NLGN1: variants seen among roughly 807,000 people sequenced by gnomAD.
The protein encoded by NLGN1 is neuroligin 1, also known as neuroligin-1.
NLGN1 carries 12 observed loss-of-function variants against 65.5 expected under a neutral mutation model. That is an observed-to-expected ratio of 0.18 (90% CI 0.12 to 0.30). The LOEUF (loss-of-function observed/expected upper bound fraction) is 0.30, where lower values mean the gene tolerates loss of function less well. NLGN1 is among the 10% of genes least tolerant of loss of function. NLGN1 has a pLI of 1.00. For missense variants in NLGN1, 750 were observed against 1,007.1 expected, an observed-to-expected ratio of 0.74 and a Z score of 3.46; for synonymous variants, 350 against 359.5, an observed-to-expected ratio of 0.97 and a Z score of 0.30.
intron 4 of NLGN1, among the ~76,000 whole-genome samples, chr3:173,922,241 TA>T: frequency 6.6e-6 from 1 of 152,246 alleles, no homozygotes; most frequent in Middle Eastern, 3.4e-3. Flanking sequence ...GATCAATTTT[TA>T]TTAATAAATG....
At chr3:173,640,580 A>G (rs1044262848) in intron 3 of NLGN1, among the ~76,000 whole-genome samples, 3 of 152,188 alleles carry the variant, frequency 2.0e-5, no homozygotes, top group African/African-American at 7.2e-5. Flanking sequence ...ATTTAATACA[A>G]TAATCTGATA....
rs181113773 is a variant in NLGN1 at position 173,445,804 on chromosome 3, G to A, written c.-321+10726G>A. The stretch of plus-strand genomic sequence containing the variant: ...TTTTAGAACATCAGAAGACAGGGAA[G>A]TTTGGGAACACTTTAAGTTCACACT... On this transcript the variant is annotated intron_variant, in intron 2 of 6. Coordinates refer to ENST00000457714, the Ensembl canonical transcript of NLGN1. 3.2e-3 allele frequency among the ~76,000 whole-genome samples: 484 copies of A among 152,276 alleles called. 11 individuals carry two copies. The highest frequency in any genetic ancestry group is 0.029 in the Admixed American group (444 of 15,288).
chr3:173,802,489 T>C (rs1485877695), intron 3 of NLGN1, among the ~76,000 whole-genome samples: 1 of 152,202 alleles, frequency 6.6e-6, no homozygotes, highest in Non-Finnish European at 1.5e-5. Context: ...AAAGATGAAT[T>C]CAGATATCCT....
At chr3:174,167,539 G>T (rs1395668381) in intron 4 of NLGN1, among the ~76,000 whole-genome samples, 2 of 149,408 alleles carry the variant, frequency 1.3e-5, no homozygotes, top group African/African-American at 4.9e-5. Context: ...TAAGGTTTCT[G>T]CTCAGAAGTC....
At chr3:173,997,746 C>T (rs754705849) in intron 4 of NLGN1, among the ~76,000 whole-genome samples, 2 of 152,026 alleles carry the variant, frequency 1.3e-5, no homozygotes, top group East Asian at 3.9e-4. Context: ...GCAAAACTAC[C>T]GCAGAGCTCA....
intron 2 of NLGN1, among the ~76,000 whole-genome samples, chr3:173,598,987 A>C (rs1393170842): frequency 6.6e-6 from 1 of 152,160 alleles, no homozygotes; most frequent in East Asian, 1.9e-4. Context: ...TGAGCAGCAC[A>C]GTATCTACTG....
chr3:173,923,109 G>C (rs934107273), intron 4 of NLGN1, among the ~76,000 whole-genome samples: 2 of 151,864 alleles, frequency 1.3e-5, no homozygotes, highest in Non-Finnish European at 2.9e-5. Context: ...TAATCTAATA[G>C]TTTCGAACTT....
At chr3:174,054,459 T>C (rs1735589554) in intron 4 of NLGN1, among the ~76,000 whole-genome samples, 1 of 152,042 alleles carries the variant, frequency 6.6e-6, no homozygotes. Flanking sequence ...AAGAAATTAT[T>C]ATGTTGGCTT....
chr3:173,944,622 A>G (rs1330520122), intron 4 of NLGN1, among the ~76,000 whole-genome samples: 3 of 152,182 alleles, frequency 2.0e-5, no homozygotes, highest in African/African-American at 7.2e-5. Flanking sequence ...ATTCCAATCA[A>G]GTCTCTTAAT....
At chr3:174,167,793 GT>G (rs1214017752) in intron 4 of NLGN1, among the ~76,000 whole-genome samples, 3 of 151,200 alleles carry the variant, frequency 2.0e-5, no homozygotes, top group Non-Finnish European at 4.4e-5. Flanking sequence ...CTTCAAATAT[GT>G]TTTTCAAGTT....
intron 4 of NLGN1, among the ~76,000 whole-genome samples, chr3:174,166,381 G>C (rs1727496453): frequency 6.6e-6 from 1 of 151,682 alleles, no homozygotes; most frequent in Non-Finnish European, 1.5e-5. Flanking sequence ...GAGACCTTTT[G>C]GTATGTTGTG....
chr3:173,556,796 C>T (rs917909607), intron 2 of NLGN1, among the ~76,000 whole-genome samples: 3 of 113,132 alleles, frequency 2.7e-5, no homozygotes, highest in African/African-American at 1.1e-4. Context: ...AGAGCGAGGA[C>T]CTGTCTCAAA....
At chr3:173,677,145 TAC>T (rs1207514996) in intron 3 of NLGN1, among the ~76,000 whole-genome samples, 3 of 151,660 alleles carry the variant, frequency 2.0e-5, no homozygotes, top group Non-Finnish European at 4.4e-5. Flanking sequence ...GGGTAAGCTA[TAC>T]AGATACCTTG....
chr3:174,055,633 G>T (rs1735891716), intron 4 of NLGN1, among the ~76,000 whole-genome samples: 1 of 151,960 alleles, frequency 6.6e-6, no homozygotes, highest in Non-Finnish European at 1.5e-5. Flanking sequence ...AGCAACAATT[G>T]AATGCCATAT....
chr3:173,574,538 T>G (rs1745207015), intron 2 of NLGN1, among the ~76,000 whole-genome samples: 1 of 152,170 alleles, frequency 6.6e-6, no homozygotes, highest in Admixed American at 6.5e-5. Flanking sequence ...AGTTGATGGT[T>G]TTAAATAATT....
chr3:174,165,344 G>C (rs1727300902), intron 4 of NLGN1, among the ~76,000 whole-genome samples: 1 of 151,876 alleles, frequency 6.6e-6, no homozygotes, highest in Admixed American at 6.6e-5. Flanking sequence ...ATTTGGCATA[G>C]ACGTGGTTCT....
chr3:174,019,065 AG>A (rs142835267), intron 4 of NLGN1, among the ~76,000 whole-genome samples: 10,246 of 152,216 alleles, frequency 0.067, 449 homozygotes, highest in Non-Finnish European at 0.1. Flanking sequence ...TTAATAAATC[AG>A]GTATTCAATG....
At chr3:173,685,547 A>G (rs972573979) in intron 3 of NLGN1, 1 of 626,324 alleles carries the variant, frequency 1.6e-6, no homozygotes, top group Non-Finnish European at 2.0e-6. Flanking sequence ...GCATAGAACA[A>G]GGGCTGCCAG....
chr3:173,589,587 T>C (rs1348177171), intron 2 of NLGN1, among the ~76,000 whole-genome samples: 1 of 152,208 alleles, frequency 6.6e-6, no homozygotes, highest in Non-Finnish European at 1.5e-5. Context: ...ACTATTTTCT[T>C]AGAATGTGAT....
Sources: gnomAD v4.1 joint callset for allele counts (sites outside exome capture counted in the v4.1 genomes callset) on GRCh38, gnomAD v4.1.1 for gene constraint, MANE v1.5 for transcripts, NCBI Gene and HGNC (gene_info 2026-07-23, HGNC 2026-07-21) for gene names.